The following FHIT variants were observed in gnomAD, a reference collection of about 807,000 sequenced individuals.
FHIT encodes fragile histidine triad diadenosine triphosphatase.
Under a neutral mutation model 17.9 loss-of-function variants are expected in FHIT, and 19 were observed. The observed-to-expected ratio is 1.06, with a 90% CI of 0.74 to 1.56. The LOEUF is 1.56. Among genes scored for constraint, FHIT ranks in the 40% most tolerant of loss-of-function variants. The probability of loss-of-function intolerance (pLI) is 0.00; values close to 1 mark genes in which losing one functional copy is unlikely to be tolerated. For missense variants in FHIT, 248 were observed against 189.2 expected, an observed-to-expected ratio of 1.31 and a Z score of -1.82; for synonymous variants, 81 against 69.7, an observed-to-expected ratio of 1.16 and a Z score of -0.81.
chr3:60,231,284 GTATC>G (rs1704483419), intron 5 of FHIT, among the ~76,000 whole-genome samples: 1 of 152,212 alleles, frequency 6.6e-6, no homozygotes, highest in African/African-American at 2.4e-5. Context: ...ATAGAAGTTG[GTATC>G]TATCATCCAG....
At chr3:60,772,122 T>A (rs1321571162) in intron 4 of FHIT, among the ~76,000 whole-genome samples, 1 of 151,516 alleles carries the variant, frequency 6.6e-6, no homozygotes, top group African/African-American at 2.4e-5. Flanking sequence ...CTGCCATGAC[T>A]ATCTGTGGCC....
intron 7 of FHIT, among the ~76,000 whole-genome samples, chr3:59,932,499 A>G (rs530913127): frequency 6.6e-6 from 1 of 152,304 alleles, no homozygotes; most frequent in Admixed American, 6.5e-5. Context: ...CATCCAGACT[A>G]GGAAAGGGAG....
chr3:60,396,229 G>T (rs1481605906), intron 5 of FHIT, among the ~76,000 whole-genome samples: 1 of 152,116 alleles, frequency 6.6e-6, no homozygotes, highest in Non-Finnish European at 1.5e-5. Flanking sequence ...ATAAAGAACG[G>T]ATTATGTTTT....
chr3:60,905,641 T>A lies in FHIT; in HGVS notation c.-110-83630A>T, dbSNP rs72889156. ...TGAACAACCAATATACACATAGAAC[T>A]ACTATTCAACTGTAATAAGGAATGA... is the stretch of plus-strand genomic sequence containing the variant. On this transcript the variant is annotated intron_variant, in intron 3 of 9. Coordinates refer to ENST00000492590, the MANE Select transcript of FHIT (RefSeq NM_002012.4). Among the ~76,000 whole-genome samples, 925 of 152,324 alleles carry A rather than the reference T, an allele frequency of 6.1e-3. 9 individuals carry two copies. The highest frequency in any genetic ancestry group is 0.02 in the African/African-American group (834 of 41,576).
chr3:60,983,569 G>A (rs1450997397), intron 3 of FHIT, among the ~76,000 whole-genome samples: 1 of 152,172 alleles, frequency 6.6e-6, no homozygotes, highest in African/African-American at 2.4e-5. Flanking sequence ...GAGAATGGGA[G>A]CAGTCACTGT....
intron 2 of FHIT, among the ~76,000 whole-genome samples, chr3:61,105,857 C>T (rs377765448): frequency 3.9e-5 from 6 of 152,208 alleles, no homozygotes; most frequent in South Asian, 2.1e-4. Context: ...AATTCAAAGA[C>T]GCTTTCAGCC....
At chr3:60,503,413 T>C (rs2034600316) in intron 5 of FHIT, among the ~76,000 whole-genome samples, 1 of 152,180 alleles carries the variant, frequency 6.6e-6, no homozygotes, top group African/African-American at 2.4e-5. Context: ...GTATGTACCT[T>C]ATCCAAGAAG....
At chr3:60,366,455 T>A (rs1700111362) in intron 5 of FHIT, among the ~76,000 whole-genome samples, 1 of 152,208 alleles carries the variant, frequency 6.6e-6, no homozygotes. Flanking sequence ...CCATCTCATT[T>A]GACCCTTGCT....
At chr3:60,464,117 T>C (rs187027366) in intron 5 of FHIT, among the ~76,000 whole-genome samples, 7 of 152,296 alleles carry the variant, frequency 4.6e-5, no homozygotes, top group Admixed American at 4.6e-4. Context: ...AGCAACACTA[T>C]GGCAGAACTG....
intron 6 of FHIT, among the ~76,000 whole-genome samples, chr3:60,013,454 C>G (rs1024545017): frequency 6.6e-6 from 1 of 152,188 alleles, no homozygotes; most frequent in East Asian, 1.9e-4. Flanking sequence ...CTTCTCCCAA[C>G]CTGACAACTG....
At chr3:60,716,643 C>A (rs947015970) in intron 4 of FHIT, among the ~76,000 whole-genome samples, 2 of 152,086 alleles carry the variant, frequency 1.3e-5, no homozygotes, top group Non-Finnish European at 2.9e-5. Flanking sequence ...GAAGTACATG[C>A]TAAAATAATG....
chr3:60,494,455 C>T (rs1376408576), intron 5 of FHIT, among the ~76,000 whole-genome samples: 1 of 151,562 alleles, frequency 6.6e-6, no homozygotes, highest in East Asian at 1.9e-4. Context: ...AAGCATTTAT[C>T]CTTTGTGTTA....
chr3:59,860,237 C>A (rs1325720296), intron 8 of FHIT, among the ~76,000 whole-genome samples: 1 of 152,124 alleles, frequency 6.6e-6, no homozygotes, highest in African/African-American at 2.4e-5. Context: ...TCTGAGAAGA[C>A]CCTTTGTTGG....
chr3:60,930,820 A>G (rs1202554294), intron 3 of FHIT, among the ~76,000 whole-genome samples: 1 of 152,200 alleles, frequency 6.6e-6, no homozygotes, highest in Non-Finnish European at 1.5e-5. Flanking sequence ...TTCCTCAAGG[A>G]TCTAGAACTA....
intron 5 of FHIT, among the ~76,000 whole-genome samples, chr3:60,329,945 G>A (rs1709883968): frequency 6.6e-6 from 1 of 152,112 alleles, no homozygotes; most frequent in Admixed American, 6.5e-5. Flanking sequence ...AAGACAAACA[G>A]GAAAGACAAA....
At chr3:59,922,277 C>G in intron 8 of FHIT, 69 bp downstream of exon 8, 1 of 1,258,108 alleles carries the variant, frequency 7.9e-7, no homozygotes, top group Non-Finnish European at 1.2e-6. Context: ...ATACTTGATT[C>G]ATTAGGTTGA....
chr3:60,079,080 G>A (rs181605924), intron 5 of FHIT, among the ~76,000 whole-genome samples: 10 of 152,180 alleles, frequency 6.6e-5, no homozygotes, highest in Admixed American at 3.3e-4. Context: ...CAGGGTGATC[G>A]GGGTGGACAA....
At chr3:60,106,512 T>G (rs1036512710) in intron 5 of FHIT, among the ~76,000 whole-genome samples, 4 of 152,208 alleles carry the variant, frequency 2.6e-5, no homozygotes, top group Non-Finnish European at 2.9e-5. Flanking sequence ...AACAGAAATG[T>G]GTTCGTTCCT....
intron 5 of FHIT, among the ~76,000 whole-genome samples, chr3:60,298,136 C>T (rs190978617): frequency 3.3e-5 from 5 of 152,208 alleles, no homozygotes; most frequent in East Asian, 3.9e-4. Context: ...CATCATCACA[C>T]GTTCTGTAAG....
Sources: gnomAD v4.1 joint callset for allele counts (sites outside exome capture counted in the v4.1 genomes callset) on GRCh38, gnomAD v4.1.1 for gene constraint, MANE v1.5 for transcripts, NCBI Gene and HGNC (gene_info 2026-07-23, HGNC 2026-07-21) for gene names.